ADAM15: variants seen among roughly 807,000 people sequenced by gnomAD.
ADAM15 encodes ADAM metallopeptidase domain 15.
A neutral mutation model predicts 113.8 loss-of-function variants in ADAM15; 77 were observed. The ratio of observed to expected loss-of-function variants is 0.68; its 90% confidence interval spans 0.56 to 0.82. The LOEUF (loss-of-function observed/expected upper bound fraction) is 0.82. ADAM15 is among the 40% of genes least tolerant of loss of function. ADAM15 has a pLI of 0.00. For missense variants in ADAM15, 963 were observed against 1,120.1 expected, an observed-to-expected ratio of 0.86 and a Z score of 2.00; for synonymous variants, 388 against 454.1, an observed-to-expected ratio of 0.85 and a Z score of 1.85.
In ADAM15 at chr1:155,053,995, C is replaced by T. The variant is rs774035784; in HGVS notation, c.342+7C>T. On this transcript the variant is annotated splice_region_variant and intron_variant, in intron 4 of 22. Coordinates refer to ENST00000356955, the MANE Select transcript of ADAM15 (RefSeq NM_207197.3). ...CAGTGAGGGACACACTTTGGTGAGTCAGGCCCTCTTGTGCCATTTTTGGCT... is the reference window on the plus strand; with the variant it reads ...CAGTGAGGGACACACTTTGGTGAGTTAGGCCCTCTTGTGCCATTTTTGGCT... 9 of 1,614,004 alleles carry T rather than the reference C, an allele frequency of 5.6e-6. No individual in the cohort carries two copies. Among genetic ancestry groups the T allele is most frequent in the African/African-American group, 1.3e-5 (1 of 74,920 alleles).
chr1:155,053,306 C>T (rs759682634), intron 2 of ADAM15, 111 bp from the exon 3 acceptor site: 42 of 968,256 alleles, frequency 4.3e-5, no homozygotes, highest in Non-Finnish European at 6.2e-5. Context: ...GGGATCCCCC[C>T]ACCAGTGATC....
In ADAM15 at chr1:155,059,978, G is replaced by C; in HGVS notation, c.2068+4G>C. 2 of 1,614,012 alleles carry C rather than the reference G, an allele frequency of 1.2e-6. No homozygotes were observed. Among genetic ancestry groups the C allele is most frequent in the Non-Finnish European group, 1.7e-6 (2 of 1,179,938 alleles). On this transcript the variant is annotated splice_donor_region_variant and intron_variant, in intron 17 of 22. Coordinates refer to ENST00000356955, the MANE Select transcript of ADAM15 (RefSeq NM_207197.3). ...GACTGCACCACTCAGCTCAAAGGTA[G>C]CATGGGGGTGGGGGACAGGGGCAGC...
rs1366319278 is a variant in ADAM15 at position 155,055,671 on chromosome 1, TG to T, written c.613-116del. 1.0e-5 allele frequency: 11 copies of T among 1,087,092 alleles called. No individual in the cohort carries two copies. The African/African-American group carries it at 1.5e-4, about 15-fold the overall frequency. The allele number at this position is 1,087,092 out of a possible 1,614,324, so 67.3% of individuals were successfully genotyped here. A position where few individuals can be genotyped will look rare whatever the true frequency, so the allele number is the denominator to read the frequency against. Reference sequence around the variant, plus strand: ...GGCCTTCAGTGGCTCATCTGTAAAATGGGCTCTTCACCCTCCTATTTGACCC... The same window carrying T: ...GGCCTTCAGTGGCTCATCTGTAAAATGGCTCTTCACCCTCCTATTTGACCC... On this transcript the variant is annotated intron_variant, in intron 6 of 22. Coordinates refer to ENST00000356955, the MANE Select transcript of ADAM15 (RefSeq NM_207197.3).
chr1:155,054,581 CACAGTAACA>C, intron 6 of ADAM15, 75 bp downstream of exon 6: 1 of 1,429,788 alleles, frequency 7.0e-7, no homozygotes, highest in African/African-American at 1.4e-5. Context: ...GCTATGTGTG[CACAGTAACA>C]ACAGCTCCTG....
chr1:155,053,115 C>A (rs938253430), intron 2 of ADAM15, among the ~76,000 whole-genome samples: 2 of 132,096 alleles, frequency 1.5e-5, no homozygotes, highest in African/African-American at 2.7e-5. Context: ...AAACCCCCCC[C>A]CCCCCACCCC....
rs778413112 is a variant in ADAM15, at chr1:155,060,246, G to A, written c.2110G>A (p.Val704Ile). The A allele has an allele frequency of 1.2e-6, 2 of 1,613,938 alleles. No individual in the cohort carries two copies. Among genetic ancestry groups the A allele is most frequent in the Non-Finnish European group, 1.7e-6 (2 of 1,180,012 alleles). Residue 704 changes from valine (V) to isoleucine (I), a missense_variant, in exon 18 of 23, where the codon GTC (valine) becomes ATC (isoleucine). Transcript: ENST00000356955. Reference protein sequence around the residue: ...LTTGLLLSLLVLLVLVMLGAS... With the variant: ...LTTGLLLSLLILLVLVMLGAS... ...CACAGGGCTGCTCCTCAGCCTCCTG[G>A]TCTTATTGGTCCTGGTGATGCTTGG...
In ADAM15 at chr1:155,057,567, A is replaced by G; in HGVS notation, c.1324-70A>G. The G allele has an allele frequency of 6.4e-7, 1 of 1,571,706 alleles. No individual in the cohort carries two copies. The highest frequency in any genetic ancestry group is 8.7e-7 in the Non-Finnish European group (1 of 1,143,312). On this transcript the variant is annotated intron_variant, in intron 12 of 22. Coordinates refer to ENST00000356955, the MANE Select transcript of ADAM15 (RefSeq NM_207197.3). This position sits in a 1 kb window ranked among gnomAD's most constrained non-coding sequence, Gnocchi z 5.0. ...GCTTCTGGTCTTGGCCTGTGGGAGG[A>G]GGAGAGATTGGAGGGAGGCTCACAG...
At chr1:155,051,840 T>G (rs1661069125) in intron 1 of ADAM15, 2 of 196,602 alleles carry the variant, frequency 1.0e-5, no homozygotes, top group South Asian at 9.9e-5. Context: ...TTCGACCCGG[T>G]GCCAGGGCGC....
rs74116279 is a variant in ADAM15, at chr1:155,051,766, C to G, written c.79+301C>G. The stretch of plus-strand genomic sequence containing the variant: ...GGCCTGTCCAGCGCCACTTCAAGAT[C>G]GTGATGAGAGGGTCGCTGCTCCCCA... On this transcript the variant is annotated intron_variant, in intron 1 of 22. Transcript: ENST00000356955. 1.1e-3 allele frequency: 345 copies of G among 302,942 alleles called. 1 individual carries two copies. The highest frequency in any genetic ancestry group is 7.2e-3 in the African/African-American group (327 of 45,474). The allele number at this position is 302,942 out of a possible 1,614,324, so 18.8% of individuals were successfully genotyped here. A position where few individuals can be genotyped will look rare whatever the true frequency, so the allele number is the denominator to read the frequency against.
intron 16 of ADAM15, among the ~76,000 whole-genome samples, chr1:155,059,592 G>A (rs1046992348): frequency 1.3e-5 from 2 of 152,132 alleles, no homozygotes; most frequent in African/African-American, 4.8e-5. Context: ...TTGCACCACT[G>A]CACTCCAGCC....
Position 155,060,323 on chromosome 1 carries a change from G to A in ADAM15, c.2187G>A (p.Lys729=), listed in dbSNP as rs1571631063. ...ARLHQRLCQL[K]GPTCQYRAAQ... is the part of the protein sequence containing the mutation. ...TGCACCAGCGACTCTGCCAGCTCAA[G>A]GGACCCACCTGCCAGTACAGGTATG... is the stretch of plus-strand genomic sequence containing the variant. Residue 729 remains lysine, a synonymous_variant, in exon 18 of 23, where the codon AAG becomes AAA. Coordinates refer to ENST00000356955, the MANE Select transcript of ADAM15 (RefSeq NM_207197.3). 12 of 1,613,950 alleles carry A rather than the reference G, an allele frequency of 7.4e-6. No individual in the cohort carries two copies. The highest frequency in any genetic ancestry group is 5.3e-5 in the African/African-American group (4 of 74,880).
chr1:155,053,621 A>G (rs1454519027), intron 3 of ADAM15, 128 bp downstream of exon 3: 1 of 986,378 alleles, frequency 1.0e-6, no homozygotes, highest in Non-Finnish European at 1.6e-6. Context: ...ATATACTATC[A>G]TGTATTATTG....
Position 155,054,465 on chromosome 1 carries a change from A to T in ADAM15, c.571A>T (p.Lys191Ter). 6.2e-7 allele frequency: 1 copy of T among 1,602,976 alleles called. No individual in the cohort carries two copies. The highest frequency in any genetic ancestry group is 8.5e-7 in the Non-Finnish European group (1 of 1,173,318). ...LSWRESVHTQ[K>*]PPEHPLGQRH... ...CTGGCGGGAATCTGTACACACTCAG[A>T]AGCCACCAGAGCACCCCCTGGGACA... The change falls in exon 6 of 23, where the codon AAG becomes TAG. Residue 191 changes from lysine to a stop codon, truncating the protein, a stop_gained. Coordinates refer to ENST00000356955, the MANE Select transcript of ADAM15 (RefSeq NM_207197.3). LOFTEE classifies it high-confidence loss of function.
intron 19 of ADAM15, 100 bp downstream of exon 19, chr1:155,060,932 C>A: frequency 1.7e-6 from 2 of 1,159,512 alleles, no homozygotes; most frequent in Non-Finnish European, 2.5e-6. Context: ...CAGAGAAAGG[C>A]TAGCACTGCC....
rs746226370 is a variant in ADAM15 at position 155,061,920 on chromosome 1, G to A, written c.2369G>A (p.Arg790Gln). 4.5e-6 allele frequency: 7 copies of A among 1,546,520 alleles called. 1 individual carries two copies. The highest frequency in any genetic ancestry group is 4.6e-5 in the East Asian group (2 of 43,114). The change falls in exon 21 of 23, where the codon CGA becomes CAA. Residue 790 changes from arginine (R) to glutamine (Q), a missense_variant. Coordinates refer to ENST00000356955, the MANE Select transcript of ADAM15 (RefSeq NM_207197.3). ...SKRLQAELAD[R>Q]PNPPTRPLPA... is the part of the protein sequence containing the mutation. ...TCTGTTCAGGCTGAGCTGGCTGACC[G>A]ACCCAATCCCCCTACCCGCCCTCTG...
Position 155,056,569 on chromosome 1 carries a change from C to T in ADAM15, c.999+99C>T. On this transcript the variant is annotated intron_variant, in intron 10 of 22. Transcript: ENST00000356955. This position sits in a 1 kb window ranked among gnomAD's most constrained non-coding sequence, Gnocchi z 4.0. ...ACCCCCCTATAAAGTTGCCCAACCC[C>T]AAAGCTACAGGTATAGAGGGTGGAG... 1 of 1,204,674 alleles carries T rather than the reference C, an allele frequency of 8.3e-7. No individual in the cohort carries two copies. Among genetic ancestry groups the T allele is most frequent in the Non-Finnish European group, 1.2e-6 (1 of 839,052 alleles). The allele number at this position is 1,204,674 out of a possible 1,614,324, so 74.6% of individuals were successfully genotyped here. A position where few individuals can be genotyped will look rare whatever the true frequency, so the allele number is the denominator to read the frequency against.
At position 155,057,667 on chromosome 1, in the gene ADAM15, A is replaced by T. The variant is rs1661967794; in HGVS notation, c.1354A>T (p.Thr452Ser). The T allele has an allele frequency of 6.2e-7, 1 of 1,613,922 alleles. No individual in the cohort carries two copies. The highest frequency in any genetic ancestry group is 8.5e-7 in the Non-Finnish European group (1 of 1,180,014). Reference sequence around the variant, plus strand: ...CGTCGATCCCTGCTGTGATTCTTTGACCTGCCAGCTGAGGCCAGGTGCACA... The same window carrying T: ...CGTCGATCCCTGCTGTGATTCTTTGTCCTGCCAGCTGAGGCCAGGTGCACA... Reference protein sequence around the residue: ...DCVDPCCDSLTCQLRPGAQCA... With the variant: ...DCVDPCCDSLSCQLRPGAQCA... The change falls in exon 13 of 23, where the codon ACC (threonine) becomes TCC (serine). Residue 452 changes from threonine to serine, a missense_variant. Transcript: ENST00000356955. The surrounding 1 kb of genome is among the most constrained non-coding windows in gnomAD (Gnocchi z 5.0).
chr1:155,052,432 C>T (rs1401963180), intron 1 of ADAM15: 2 of 1,442,456 alleles, frequency 1.4e-6, no homozygotes, highest in Non-Finnish European at 9.3e-7. Flanking sequence ...CCACAGGCTG[C>T]GCAAGCCGAA....
chr1:155,057,373 T>G lies in ADAM15; in HGVS notation c.1323+11T>G. ...TGTGGCTTCCTGGATGTGAGCCCCT[T>G]TCCCAAAGCCTCGCCCCACTCACTT... On this transcript the variant is annotated intron_variant, in intron 12 of 22. Transcript: ENST00000356955. The surrounding 1 kb of genome is among the most constrained non-coding windows in gnomAD (Gnocchi z 5.0). 1 of 1,613,968 alleles carries G rather than the reference T, an allele frequency of 6.2e-7. No individual in the cohort carries two copies. The highest frequency in any genetic ancestry group is 8.5e-7 in the Non-Finnish European group (1 of 1,179,894).
Sources: gnomAD v4.1 joint callset for allele counts (sites outside exome capture counted in the v4.1 genomes callset) on GRCh38, gnomAD v4.1.1 for gene constraint, Gnocchi (gnomAD v3.1) non-coding constraint, MANE v1.5 for transcripts, NCBI Gene and HGNC (gene_info 2026-07-23, HGNC 2026-07-21) for gene names.